PSAP: variants seen among roughly 807,000 people sequenced by gnomAD.
PSAP encodes the protein precursor of saposins.
Under a neutral mutation model 66.0 loss-of-function variants are expected in PSAP, and 25 were observed. The observed-to-expected ratio is 0.38, with a 90% CI of 0.28 to 0.53. The LOEUF is 0.53. Ranked by LOEUF, PSAP falls within the 20% of genes least tolerant of loss-of-function variation. The probability of loss-of-function intolerance (pLI) is 0.83; values close to 1 mark genes in which losing one functional copy is unlikely to be tolerated. For missense variants in PSAP, 649 were observed against 668.8 expected (o/e 0.97, Z 0.33); for synonymous variants, 273 against 258.9 (o/e 1.05, Z -0.52).
At chr10:71,837,939 T>TC (rs1842657465) in intron 1 of PSAP, among the ~76,000 whole-genome samples, 1 of 152,160 alleles carries the variant, frequency 6.6e-6, no homozygotes, top group South Asian at 2.1e-4. Flanking sequence ...CAGACAGATC[T>TC]CAGGTGCTTG....
chr10:71,817,848 C>T (rs1480481816), intron 13 of PSAP, among the ~76,000 whole-genome samples: 1 of 152,224 alleles, frequency 6.6e-6, no homozygotes, highest in African/African-American at 2.4e-5. Context: ...CACACCAGCT[C>T]GGGCCTTGAG....
At chr10:71,835,846 A>C (rs1225523775) in intron 1 of PSAP, among the ~76,000 whole-genome samples, 3 of 137,160 alleles carry the variant, frequency 2.2e-5, no homozygotes, top group Non-Finnish European at 3.0e-5. Context: ...AAAACAAAAC[A>C]CAATCACCTG....
At chr10:71,828,255 T>C in intron 5 of PSAP, 98 bp from the exon 6 acceptor site, 1 of 1,307,216 alleles carries the variant, frequency 7.6e-7, no homozygotes, top group South Asian at 1.2e-5. Flanking sequence ...GGGCACTTGC[T>C]GACCAGTTCC....
chr10:71,833,024 A>C (rs1469576041), intron 2 of PSAP, among the ~76,000 whole-genome samples: 2 of 146,960 alleles, frequency 1.4e-5, no homozygotes, highest in African/African-American at 2.5e-5. Context: ...CTCAAAAAAA[A>C]AAAAAAACAA....
chr10:71,820,724 C>T (rs1048762436), intron 8 of PSAP, among the ~76,000 whole-genome samples: 5 of 152,166 alleles, frequency 3.3e-5, no homozygotes, highest in Admixed American at 1.3e-4. Context: ...GGCTCACTAT[C>T]GGTCCACTAT....
At chr10:71,851,101 G>T in intron 1 of PSAP, 81 bp downstream of exon 1, 2 of 1,491,534 alleles carry the variant, frequency 1.3e-6, no homozygotes, top group Non-Finnish European at 1.8e-6. Flanking sequence ...GAGCAGAGGG[G>T]CCAGGCCCGG....
chr10:71,820,615 A>AC (rs1167642894), intron 8 of PSAP, among the ~76,000 whole-genome samples: 1 of 133,422 alleles, frequency 7.5e-6, no homozygotes, highest in Non-Finnish European at 1.6e-5. Context: ...TCCCTTCCCC[A>AC]CCCCGAAGAG....
intron 9 of PSAP, among the ~76,000 whole-genome samples, 163 bp downstream of exon 9, chr10:71,820,077 G>A (rs1258898144): frequency 4.6e-5 from 7 of 152,066 alleles, no homozygotes; most frequent in Admixed American, 4.6e-4. Context: ...ACCCCCGCCA[G>A]CCTAGAGGTC....
intron 1 of PSAP, 91 bp from the exon 2 acceptor site, chr10:71,834,596 T>G: frequency 6.6e-7 from 1 of 1,525,316 alleles, no homozygotes; most frequent in Non-Finnish European, 8.9e-7. Flanking sequence ...GCGACTGTCC[T>G]TGAGCTGGAC....
At chr10:71,830,836 T>C (rs960956373) in intron 4 of PSAP, among the ~76,000 whole-genome samples, 3 of 152,192 alleles carry the variant, frequency 2.0e-5, no homozygotes, top group Non-Finnish European at 4.4e-5. Flanking sequence ...CAGTTAAAGA[T>C]TGGACATGAT....
At chr10:71,830,799 T>C (rs1842496463) in intron 4 of PSAP, among the ~76,000 whole-genome samples, 1 of 152,222 alleles carries the variant, frequency 6.6e-6, no homozygotes, top group Non-Finnish European at 1.5e-5. Flanking sequence ...TTCACAGAAG[T>C]GAGGTTTTGT....
At chr10:71,819,349 T>C in intron 11 of PSAP, 116 bp downstream of exon 11, 2 of 1,468,268 alleles carry the variant, frequency 1.4e-6, no homozygotes, top group Non-Finnish European at 1.9e-6. Context: ...AAAACTTCAT[T>C]GGACTCCATG....
chr10:71,833,809 C>T (rs1004869141), intron 2 of PSAP, among the ~76,000 whole-genome samples: 11 of 152,234 alleles, frequency 7.2e-5, no homozygotes. Flanking sequence ...AAAATCAGTG[C>T]TAGCTTCCTC....
At position 71,841,460 on chromosome 10, in the gene PSAP, A is replaced by C. The variant is rs1188019550; in HGVS notation, c.41-6955T>G. 3.3e-5 allele frequency among the ~76,000 whole-genome samples: 5 copies of C among 152,360 alleles called. No individual in the cohort carries two copies. In the East Asian group the frequency reaches 9.6e-4, roughly 29 times the overall value. The stretch of plus-strand genomic sequence containing the variant: ...GGAATACTGCCTTCACTTGAAATCT[A>C]AAATGTTCAGACCACAGCATGGGTC... On this transcript the variant is annotated intron_variant, in intron 1 of 13. Coordinates refer to ENST00000394936, the MANE Select transcript of PSAP (RefSeq NM_002778.4).
chr10:71,832,002 C>T (rs1589452953), intron 2 of PSAP, 82 bp from the exon 3 acceptor site: 4 of 1,327,018 alleles, frequency 3.0e-6, no homozygotes, highest in East Asian at 4.6e-5. Context: ...ATGGCCTTTT[C>T]GCTATTCTCT....
At chr10:71,828,266 T>G (rs1842433779) in intron 5 of PSAP, 109 bp from the exon 6 acceptor site, 3 of 1,150,458 alleles carry the variant, frequency 2.6e-6, no homozygotes, top group Admixed American at 3.4e-5. Flanking sequence ...GACCAGTTCC[T>G]AAGATGCTTT....
chr10:71,832,318 ACACTGAACCGTT>A (rs1318026934), intron 2 of PSAP, among the ~76,000 whole-genome samples: 1 of 152,132 alleles, frequency 6.6e-6, no homozygotes, highest in Non-Finnish European at 1.5e-5. Flanking sequence ...AGGCACACCC[ACACTGAACCGTT>A]CACCTGCGCA....
intron 1 of PSAP, among the ~76,000 whole-genome samples, chr10:71,848,952 T>C (rs746840868): frequency 2.6e-5 from 4 of 152,304 alleles, no homozygotes; most frequent in Admixed American, 2.0e-4. Context: ...GTTAACTAAA[T>C]ATTGTGGTTA....
chr10:71,843,350 G>A (rs762341508), intron 1 of PSAP, among the ~76,000 whole-genome samples: 2 of 152,160 alleles, frequency 1.3e-5, no homozygotes, highest in Non-Finnish European at 2.9e-5. Flanking sequence ...AGGCGACCTT[G>A]CGGACACACT....
Sources: gnomAD v4.1 joint callset for allele counts (sites outside exome capture counted in the v4.1 genomes callset) on GRCh38, gnomAD v4.1.1 for gene constraint, MANE v1.5 for transcripts, NCBI Gene and HGNC (gene_info 2026-07-23, HGNC 2026-07-21) for gene names.